The following LSAMP variants were observed in gnomAD, a reference collection of about 807,000 sequenced individuals.
LSAMP encodes limbic system associated membrane protein, also known as limbic system-associated membrane protein.
Under a neutral mutation model 38.6 loss-of-function variants are expected in LSAMP, and 7 were observed. The ratio of observed to expected loss-of-function variants is 0.18; its 90% CI spans 0.10 to 0.34. The LOEUF is 0.34. LSAMP is among the 10% of genes least tolerant of loss of function. The pLI is 1.00. For missense variants in LSAMP, 313 were observed against 420.0 expected (o/e 0.75, Z 2.23); for synonymous variants, 154 against 166.8 (o/e 0.92, Z 0.59).
At chr3:116,087,440 G>A (rs1385766942) in intron 1 of LSAMP, among the ~76,000 whole-genome samples, 1 of 152,202 alleles carries the variant, frequency 6.6e-6, no homozygotes, top group Non-Finnish European at 1.5e-5. Context: ...TTCTCCTTCA[G>A]TTCCAGCAAG....
At chr3:115,892,352 G>A (rs951884843) in intron 3 of LSAMP, among the ~76,000 whole-genome samples, 20 of 151,946 alleles carry the variant, frequency 1.3e-4, no homozygotes, top group Admixed American at 1.3e-3. Context: ...ACCACCCAAT[G>A]TTTATAAATA....
intron 1 of LSAMP, among the ~76,000 whole-genome samples, chr3:116,131,799 A>G (rs888672989): frequency 4.0e-5 from 6 of 151,770 alleles, no homozygotes; most frequent in South Asian, 2.1e-4. Context: ...ACTGAGTCCT[A>G]TAACAGTAGC....
At chr3:116,420,739 T>C (rs532106775) in intron 1 of LSAMP, among the ~76,000 whole-genome samples, 2 of 151,754 alleles carry the variant, frequency 1.3e-5, no homozygotes, top group South Asian at 4.2e-4. Context: ...TAGCCGGGCG[T>C]GGTGGTATGC....
rs1182908967 is a variant in LSAMP, at chr3:116,010,952, A to G, written c.514+8563T>C. ...TTCAATAACTTGGTTGATTGATTGA[A>G]CACCTGTAATATGCCAATTAATATC... On this transcript the variant is annotated intron_variant, in intron 3 of 6. Transcript: ENST00000490035. 3.3e-5 allele frequency among the ~76,000 whole-genome samples: 5 copies of G among 152,340 alleles called. No homozygotes were observed. The East Asian group carries it at 9.6e-4, about 29-fold the overall frequency.
At position 116,025,365 on chromosome 3, in the gene LSAMP, A is replaced by T. The variant is rs186772177; in HGVS notation, c.389-5725T>A. Among the ~76,000 whole-genome samples, 413 of 152,188 alleles carry T rather than the reference A, an allele frequency of 2.7e-3. 2 individuals are homozygous for T. The highest frequency in any genetic ancestry group is 4.8e-3 in the Non-Finnish European group (324 of 67,976). On this transcript the variant is annotated intron_variant, in intron 2 of 6. Transcript: ENST00000490035. ...TGTAAGGAATTGACCTTTTGTTGTC[A>T]TGTAGTAATATTTACAATTTATTCT...
chr3:115,865,982 G>A (rs539408511), intron 3 of LSAMP, among the ~76,000 whole-genome samples: 6 of 152,062 alleles, frequency 3.9e-5, no homozygotes, highest in Non-Finnish European at 8.8e-5. Flanking sequence ...GTCTCCATTT[G>A]TTGGGTAGCA....
chr3:116,420,255 G>A (rs1004329966), intron 1 of LSAMP, among the ~76,000 whole-genome samples: 1 of 151,876 alleles, frequency 6.6e-6, no homozygotes, highest in Middle Eastern at 3.4e-3. Context: ...CTGTCACCAC[G>A]CCTGGCTAAT....
At chr3:116,193,782 A>G (rs1205917750) in intron 1 of LSAMP, among the ~76,000 whole-genome samples, 1 of 152,238 alleles carries the variant, frequency 6.6e-6, no homozygotes, top group African/African-American at 2.4e-5. Context: ...TAAATAAAAC[A>G]TTACAGTGAA....
intron 2 of LSAMP, among the ~76,000 whole-genome samples, chr3:116,065,127 C>T (rs1368068795): frequency 6.6e-6 from 1 of 152,166 alleles, no homozygotes; most frequent in Non-Finnish European, 1.5e-5. Context: ...CAAAAAAAGT[C>T]TCCTGTAAAC....
At chr3:115,998,716 T>G (rs563880278) in intron 3 of LSAMP, among the ~76,000 whole-genome samples, 2 of 152,174 alleles carry the variant, frequency 1.3e-5, no homozygotes, top group East Asian at 3.9e-4. Flanking sequence ...TTTTACTTAT[T>G]AAAAACATAG....
At chr3:116,204,548 G>A (rs2046039349) in intron 1 of LSAMP, among the ~76,000 whole-genome samples, 1 of 150,824 alleles carries the variant, frequency 6.6e-6, no homozygotes, top group Non-Finnish European at 1.5e-5. Flanking sequence ...TAACATTTAA[G>A]TCTTTAATCC....
chr3:116,045,484 G>GA (rs1941269957), intron 2 of LSAMP, among the ~76,000 whole-genome samples: 2 of 85,582 alleles, frequency 2.3e-5, no homozygotes, highest in Non-Finnish European at 4.7e-5. Context: ...AAGATGATAA[G>GA]AAAAAAAGTA....
intron 3 of LSAMP, among the ~76,000 whole-genome samples, chr3:115,981,340 G>T (rs1472807537): frequency 3.9e-5 from 6 of 151,926 alleles, no homozygotes; most frequent in Non-Finnish European, 7.4e-5. Context: ...TAGACCTTTT[G>T]CAATGAAAGC....
intron 3 of LSAMP, among the ~76,000 whole-genome samples, chr3:116,015,242 T>C (rs531626641): frequency 3.9e-5 from 6 of 152,216 alleles, no homozygotes; most frequent in African/African-American, 1.4e-4. Context: ...ACTACGGAGG[T>C]TGTGTAAACC....
chr3:116,084,913 CCTT>C (rs10553386), intron 2 of LSAMP, among the ~76,000 whole-genome samples: 2,851 of 151,922 alleles, frequency 0.019, 93 homozygotes, highest in African/African-American at 0.066. Flanking sequence ...TATCTCTCCT[CCTT>C]CTGCCATTGA....
rs1933682358 is a variant in LSAMP at position 115,808,137 on chromosome 3, CCTCCCT to C, written c.*2174_*2179del. ...CCCTCCCTCCCTCCCTCCCTCCCTC[CCTCCCT>C]CCCTCCCCCCCTTCCCCGTCCCCCC... On this transcript the variant is annotated 3_prime_UTR_variant, in exon 7 of 7. Coordinates refer to ENST00000490035, the MANE Select transcript of LSAMP (RefSeq NM_002338.5). The C allele has an allele frequency of 1.2e-5, 1 of 81,038 alleles. No individual in the cohort carries two copies. The highest frequency in any genetic ancestry group is 5.3e-5 in the African/African-American group (1 of 18,908). The allele number at this position is 81,038 out of a possible 1,614,324, so 5.0% of individuals were successfully genotyped here. A position where few individuals can be genotyped will look rare whatever the true frequency, so the allele number is the denominator to read the frequency against.
At chr3:116,298,161 T>C (rs2047360856) in intron 1 of LSAMP, among the ~76,000 whole-genome samples, 1 of 152,196 alleles carries the variant, frequency 6.6e-6, no homozygotes, top group African/African-American at 2.4e-5. Context: ...CAGACACAGA[T>C]ACCTAAAATA....
At chr3:116,084,696 T>C (rs1482141210) in intron 2 of LSAMP, among the ~76,000 whole-genome samples, 1 of 152,156 alleles carries the variant, frequency 6.6e-6, no homozygotes, top group Non-Finnish European at 1.5e-5. Flanking sequence ...CTAGTGGCTT[T>C]TTAGTGACAT....
At chr3:116,173,362 C>T (rs1710251081) in intron 1 of LSAMP, among the ~76,000 whole-genome samples, 1 of 151,940 alleles carries the variant, frequency 6.6e-6, no homozygotes, top group South Asian at 2.1e-4. Flanking sequence ...TAGACCATGG[C>T]CTTTTCAGTT....
Sources: allele counts gnomAD v4.1 joint callset (sites outside exome capture counted in the v4.1 genomes callset), GRCh38; gene constraint gnomAD v4.1.1; transcripts MANE v1.5; gene names NCBI Gene and HGNC (gene_info 2026-07-23, HGNC 2026-07-21).